PIK3C2B: variants seen among roughly 807,000 people sequenced by gnomAD.
The protein encoded by PIK3C2B is phosphatidylinositol-4-phosphate 3-kinase catalytic subunit type 2 beta.
Under a neutral mutation model 184.3 loss-of-function variants are expected in PIK3C2B, and 83 were observed. That is an observed-to-expected ratio of 0.45 (90% confidence interval 0.38 to 0.54). PIK3C2B has a LOEUF of 0.54. Among genes scored for constraint, PIK3C2B ranks in the 20% least tolerant of loss-of-function variants. The pLI, the probability that PIK3C2B is intolerant of heterozygous loss-of-function variation, is 0.00. For missense variants in PIK3C2B, 1,736 were observed against 2,113.5 expected, an observed-to-expected ratio of 0.82 and a Z score of 3.50; for synonymous variants, 779 against 837.6, an observed-to-expected ratio of 0.93 and a Z score of 1.21.
chr1:204,483,110 G>C (rs1657314310), intron 1 of PIK3C2B, among the ~76,000 whole-genome samples: 1 of 152,006 alleles, frequency 6.6e-6, no homozygotes, highest in African/African-American at 2.4e-5. Context: ...TCTCTCTCCT[G>C]CTTCCATCCG....
chr1:204,480,443 T>C (rs1306539785), intron 1 of PIK3C2B, among the ~76,000 whole-genome samples: 2 of 152,080 alleles, frequency 1.3e-5, no homozygotes, highest in Non-Finnish European at 2.9e-5. Context: ...GTAGACCCGA[T>C]GAAGGGAGGC....
intron 2 of PIK3C2B, among the ~76,000 whole-genome samples, chr1:204,468,395 G>T (rs1191098234): frequency 6.6e-6 from 1 of 152,136 alleles, no homozygotes; most frequent in African/African-American, 2.4e-5. Context: ...TGGAGATCTG[G>T]ACCAGGGTCT....
At chr1:204,455,094 C>G (rs977319414) in intron 11 of PIK3C2B, among the ~76,000 whole-genome samples, 4 of 152,366 alleles carry the variant, frequency 2.6e-5, no homozygotes, top group East Asian at 1.9e-4. Context: ...CATGGAGCGT[C>G]TGTGTGTGCG....
At position 204,441,363 on chromosome 1, in the gene PIK3C2B, G is replaced by A. The variant is rs913164443; in HGVS notation, c.3249+108C>T. The stretch of plus-strand genomic sequence containing the variant: ...TGATCATCTTTCCTACATTAAGACA[G>A]CATGGAACAGTGGGAAGAGAACCAC... On this transcript the variant is annotated intron_variant, in intron 21 of 32. Transcript: ENST00000684373. 9.0e-6 allele frequency: 6 copies of A among 670,210 alleles called. No homozygotes were observed. In the South Asian group the frequency reaches 1.1e-4, roughly 12 times the overall value. The allele number at this position is 670,210 out of a possible 1,614,324, so 41.5% of individuals were successfully genotyped here. A position where few individuals can be genotyped will look rare whatever the true frequency, so the allele number is the denominator to read the frequency against.
intron 1 of PIK3C2B, among the ~76,000 whole-genome samples, chr1:204,493,473 C>T (rs1039808564): frequency 5.7e-5 from 1 of 17,472 alleles, no homozygotes; most frequent in Non-Finnish European, 2.6e-3. Flanking sequence ...ACCCCAGAAG[C>T]GGGTGGAGAG....
At chr1:204,445,875 G>T in intron 16 of PIK3C2B, 81 bp downstream of exon 16, 2 of 922,678 alleles carry the variant, frequency 2.2e-6, no homozygotes, top group Non-Finnish European at 3.1e-6. Flanking sequence ...CCCCAGGGCT[G>T]GCTCAGATCA....
chr1:204,446,168 A>T (rs1558245409), intron 15 of PIK3C2B, 24 bp from the exon 16 acceptor site: 3 of 1,510,120 alleles, frequency 2.0e-6, no homozygotes, highest in Non-Finnish European at 2.7e-6. Context: ...GGAAAGGAGA[A>T]GGTGGTGGGA....
rs569251594 is a variant in PIK3C2B, at chr1:204,423,897, G to A, written c.*955C>T. 2 of 152,544 alleles carry A rather than the reference G, an allele frequency of 1.3e-5. No homozygotes were observed. Among genetic ancestry groups the A allele is most frequent in the Non-Finnish European group, 2.9e-5 (2 of 68,044 alleles). The allele number at this position is 152,544 out of a possible 1,614,324, so 9.4% of individuals were successfully genotyped here. On this transcript the variant is annotated 3_prime_UTR_variant, in exon 33 of 33. Transcript: ENST00000684373. Reference sequence around the variant, plus strand: ...TTGGGTGAAACTACATCTAAGGACTGAGTCAGTATTTTGTCCCACCAGAGA... The same window carrying A: ...TTGGGTGAAACTACATCTAAGGACTAAGTCAGTATTTTGTCCCACCAGAGA...
rs565927286 is a variant in PIK3C2B at position 204,456,835 on chromosome 1, G to A, written c.1747+202C>T. 5.3e-5 allele frequency among the ~76,000 whole-genome samples: 8 copies of A among 149,928 alleles called. No individual in the cohort carries two copies. In the East Asian group the frequency reaches 1.6e-3, roughly 30 times the overall value. ...ATAATAAGAAAACACTTTGTGGAAA[G>A]AAATGTGCTCTCCAGCTGTATCCAC... On this transcript the variant is annotated intron_variant, in intron 10 of 32. Transcript: ENST00000684373.
In PIK3C2B at chr1:204,444,324, C is replaced by G; in HGVS notation, c.2772+7G>C. The G allele has an allele frequency of 6.2e-7, 1 of 1,607,852 alleles. No homozygotes were observed. Among genetic ancestry groups the G allele is most frequent in the Non-Finnish European group, 8.5e-7 (1 of 1,174,300 alleles). On this transcript the variant is annotated splice_region_variant and intron_variant, in intron 17 of 32. Coordinates refer to ENST00000684373, the MANE Select transcript of PIK3C2B (RefSeq NM_001377334.1). ...AGCAAAACTGGAGGGAGGACCAATC[C>G]ACCCACCTGTACCAGCTGGGGCAGG...
intron 18 of PIK3C2B, among the ~76,000 whole-genome samples, 196 bp downstream of exon 18, chr1:204,443,872 G>A (rs895350154): frequency 1.3e-5 from 2 of 152,168 alleles, no homozygotes; most frequent in Non-Finnish European, 2.9e-5. Context: ...GGAGAGACAG[G>A]ATAACATAAT....
intron 18 of PIK3C2B, 67 bp from the exon 19 acceptor site, chr1:204,443,664 C>G (rs1474783598): frequency 1.4e-6 from 2 of 1,443,756 alleles, no homozygotes; most frequent in South Asian, 1.2e-5. Context: ...CAGGGGGAGA[C>G]AGAGTCAGGC....
rs202206146 is a variant in PIK3C2B, at chr1:204,444,123, G to T, written c.2812C>A (p.Arg938Ser). ...YECYLDSPLVRFLLKRAVSDL... is the reference protein window; with the variant it reads ...YECYLDSPLVSFLLKRAVSDL... ...GACACAGCTCGTTTCAGGAGGAAGC[G>T]CACCAACGGGCTGTCCAGGTAGCAT... Residue 938 changes from arginine (R) to serine (S), a missense_variant, in exon 18 of 33, where the codon CGC becomes AGC. This residue lies in a region of PIK3C2B where 289 missense variants were observed against 380.4 expected (regional missense o/e 0.76). Coordinates refer to ENST00000684373, the MANE Select transcript of PIK3C2B (RefSeq NM_001377334.1). 5 of 1,613,588 alleles carry T rather than the reference G, an allele frequency of 3.1e-6. No homozygotes were observed. The highest frequency in any genetic ancestry group is 4.2e-6 in the Non-Finnish European group (5 of 1,179,446).
Position 204,465,199 on chromosome 1 carries a change from C to T in PIK3C2B, c.1034+20G>A, listed in dbSNP as rs749465409. 59 of 1,185,510 alleles carry T rather than the reference C, an allele frequency of 5.0e-5. No homozygotes were observed. The highest frequency in any genetic ancestry group is 6.9e-5 in the Non-Finnish European group (58 of 837,648). The allele number at this position is 1,185,510 out of a possible 1,614,324, so 73.4% of individuals were successfully genotyped here. A position where few individuals can be genotyped will look rare whatever the true frequency, so the allele number is the denominator to read the frequency against. On this transcript the variant is annotated intron_variant, in intron 3 of 32. Transcript: ENST00000684373. The stretch of plus-strand genomic sequence containing the variant: ...TCCCCCATAGCCCTCCCAAATCCCA[C>T]CCCATTCTTTAACTCTTACATATCC...
At chr1:204,470,149 CA>C (rs1335649069) in intron 1 of PIK3C2B, among the ~76,000 whole-genome samples, 1 of 150,402 alleles carries the variant, frequency 6.6e-6, no homozygotes, top group East Asian at 1.9e-4. Context: ...ATTTGTGCCC[CA>C]AAAAGAGAGA....
rs2103516568 is a variant in PIK3C2B, at chr1:204,469,627, C to T, written c.176G>A (p.Ser59Asn). The part of the protein sequence containing the change: ...AKQNADPSLI[S>N]WDEPGVDFYS... ...AAAGTCTACCCCAGGCTCATCCCAG[C>T]TGATGAGAGAGGGGTCTGCGTTCTG... Residue 59 changes from serine (S) to asparagine (N), a missense_variant, in exon 2 of 33, where the codon AGC becomes AAC. Physicochemically the swap from Ser to Asn is conservative, Grantham distance 46. Coordinates refer to ENST00000684373, the MANE Select transcript of PIK3C2B (RefSeq NM_001377334.1). 6.2e-7 allele frequency: 1 copy of T among 1,611,502 alleles called. No individual in the cohort carries two copies. The highest frequency in any genetic ancestry group is 8.5e-7 in the Non-Finnish European group (1 of 1,178,552).
chr1:204,480,275 T>C (rs1195747613), intron 1 of PIK3C2B, among the ~76,000 whole-genome samples: 2 of 152,186 alleles, frequency 1.3e-5, no homozygotes, highest in African/African-American at 4.8e-5. Context: ...ATTGTTAGGG[T>C]GCTTTCTGGT....
chr1:204,477,596 C>T (rs1656811990), intron 1 of PIK3C2B, among the ~76,000 whole-genome samples: 1 of 152,204 alleles, frequency 6.6e-6, no homozygotes, highest in African/African-American at 2.4e-5. Context: ...TCCAGTGGAG[C>T]TGGCTCTGTT....
chr1:204,440,092 T>C, intron 22 of PIK3C2B, 100 bp downstream of exon 22: 3 of 1,284,944 alleles, frequency 2.3e-6, no homozygotes, highest in Non-Finnish European at 2.2e-6. Context: ...CTTGCCCTTT[T>C]CACTTTCCTG....
Sources: allele counts gnomAD v4.1 joint callset (sites outside exome capture counted in the v4.1 genomes callset), GRCh38; gene constraint gnomAD v4.1.1; regional missense constraint gnomAD v4.1.1; transcripts MANE v1.5; gene names NCBI Gene and HGNC (gene_info 2026-07-23, HGNC 2026-07-21).